CDC14A: variants seen among roughly 807,000 people sequenced by gnomAD.
The protein encoded by CDC14A is cell division cycle 14A, also known as dual specificity protein phosphatase CDC14A.
Under a neutral mutation model 74.4 loss-of-function variants are expected in CDC14A, and 53 were observed. The observed-to-expected ratio is 0.71, with a 90% CI of 0.57 to 0.89. The LOEUF (loss-of-function observed/expected upper bound fraction) is 0.89, where lower values mean the gene tolerates loss of function less well. Among genes scored for constraint, CDC14A ranks in the 40% least tolerant of loss-of-function variants. CDC14A has a pLI of 0.00. For missense variants in CDC14A, 646 were observed against 713.7 expected (o/e 0.91, Z 1.08); for synonymous variants, 247 against 258.4 (o/e 0.96, Z 0.43).
At chr1:100,389,949 A>G (rs1657455020) in intron 3 of CDC14A, among the ~76,000 whole-genome samples, 2 of 152,162 alleles carry the variant, frequency 1.3e-5, no homozygotes, top group Non-Finnish European at 2.9e-5. Context: ...TCATTGTCTT[A>G]TACTTATTCG....
At position 100,380,146 on chromosome 1, in the gene CDC14A, A is replaced by C. The variant is rs148248337; in HGVS notation, c.216+2525A>C. Among the ~76,000 whole-genome samples, 6 of 152,358 alleles carry C rather than the reference A, an allele frequency of 3.9e-5. No individual in the cohort carries two copies. In the East Asian group the frequency reaches 1.2e-3, roughly 29 times the overall value. On this transcript the variant is annotated intron_variant, in intron 3 of 15. Coordinates refer to ENST00000336454, the MANE Select transcript of CDC14A (RefSeq NM_003672.4). ...AATATAATAAAGACAGTTCTTCTAC[A>C]AAATCGATGAACACCTGTTTCTCAG...
chr1:100,360,236 G>A (rs1351539037), intron 2 of CDC14A, among the ~76,000 whole-genome samples: 1 of 151,550 alleles, frequency 6.6e-6, no homozygotes, highest in Admixed American at 6.6e-5. Flanking sequence ...ACAGGCATGA[G>A]CCACTGTGCC....
At chr1:100,427,719 AG>A (rs1663120050) in intron 5 of CDC14A, among the ~76,000 whole-genome samples, 1 of 152,202 alleles carries the variant, frequency 6.6e-6, no homozygotes. Context: ...TTTCAGTGCC[AG>A]TCACTGTGAT....
chr1:100,457,635 T>TA lies in CDC14A; in HGVS notation c.607+2143_607+2144insA, dbSNP rs557735444. On this transcript the variant is annotated intron_variant, in intron 8 of 15. Coordinates refer to ENST00000336454, the MANE Select transcript of CDC14A (RefSeq NM_003672.4). ...CCACCACACCTGGCTGGTTTTTTTT[T>TA]TTTTTTTTAATTTTTAGTAGAGATG... is the stretch of plus-strand genomic sequence containing the variant. Among the ~76,000 whole-genome samples, 1,145 of 137,580 alleles carry TA rather than the reference T, an allele frequency of 8.3e-3. 18 individuals are homozygous for TA. The highest frequency in any genetic ancestry group is 0.034 in the African/African-American group (1,095 of 31,794). The allele number at this position is 137,580 out of a possible 152,430, so 90.3% of individuals were successfully genotyped here.
intron 15 of CDC14A, among the ~76,000 whole-genome samples, chr1:100,511,438 T>C (rs1649779210): frequency 6.6e-6 from 1 of 152,212 alleles, no homozygotes; most frequent in Non-Finnish European, 1.5e-5. Context: ...CTGTTAGTCC[T>C]TCTACTCCTA....
chr1:100,363,383 C>T (rs1287689655), intron 2 of CDC14A, among the ~76,000 whole-genome samples: 1 of 152,192 alleles, frequency 6.6e-6, no homozygotes, highest in Non-Finnish European at 1.5e-5. Flanking sequence ...TTACCGAGGG[C>T]TCCCGAACCC....
chr1:100,362,929 G>T (rs773527412), intron 2 of CDC14A, among the ~76,000 whole-genome samples: 5 of 152,206 alleles, frequency 3.3e-5, no homozygotes, highest in Non-Finnish European at 4.4e-5. Context: ...GGAGAGAGTA[G>T]CTCTCCCTCT....
At chr1:100,454,138 T>G (rs1029311218) in intron 7 of CDC14A, among the ~76,000 whole-genome samples, 3 of 151,230 alleles carry the variant, frequency 2.0e-5, no homozygotes, top group Non-Finnish European at 4.4e-5. Context: ...ATGGCTCCAG[T>G]TTTTTTTTGA....
intron 7 of CDC14A, among the ~76,000 whole-genome samples, chr1:100,449,205 G>C (rs1279512022): frequency 6.6e-6 from 1 of 152,192 alleles, no homozygotes; most frequent in East Asian, 1.9e-4. Flanking sequence ...TCTGGGAACT[G>C]TTTGTGAAAA....
chr1:100,498,888 G>A (rs1430439258), intron 14 of CDC14A, 41 bp from the exon 15 acceptor site: 18 of 1,575,986 alleles, frequency 1.1e-5, no homozygotes, highest in Non-Finnish European at 1.5e-5. Flanking sequence ...ATTGTACATT[G>A]TTGTCTGTTT....
chr1:100,424,498 G>A (rs968940850), intron 5 of CDC14A, among the ~76,000 whole-genome samples, 197 bp downstream of exon 5: 1 of 152,176 alleles, frequency 6.6e-6, no homozygotes, highest in Admixed American at 6.5e-5. Context: ...CTTTCTTCTT[G>A]TAGGAATTTA....
intron 6 of CDC14A, among the ~76,000 whole-genome samples, chr1:100,442,154 A>G (rs369944645): frequency 2.9e-4 from 33 of 113,198 alleles, no homozygotes; most frequent in Admixed American, 2.2e-3. Flanking sequence ...TGATAAAAAT[A>G]TGTTTTTTTT....
intron 5 of CDC14A, among the ~76,000 whole-genome samples, chr1:100,439,259 T>C (rs1664667988): frequency 6.6e-6 from 1 of 152,164 alleles, no homozygotes; most frequent in Admixed American, 6.5e-5. Context: ...TGACTACATT[T>C]TCCTGTTTTC....
intron 4 of CDC14A, chr1:100,423,925 T>C: frequency 3.2e-6 from 1 of 308,258 alleles, no homozygotes; most frequent in Non-Finnish European, 6.3e-6. Context: ...ACACGGTATA[T>C]TATGAGGGTA....
intron 4 of CDC14A, among the ~76,000 whole-genome samples, chr1:100,400,980 A>C (rs1219886924): frequency 3.3e-5 from 5 of 152,014 alleles, no homozygotes; most frequent in Non-Finnish European, 7.4e-5. Flanking sequence ...ATACATACTC[A>C]CTGCATTTAG....
chr1:100,363,884 A>G (rs141892625), intron 2 of CDC14A, among the ~76,000 whole-genome samples: 157 of 152,350 alleles, frequency 1.0e-3, no homozygotes, highest in Admixed American at 2.5e-3. Context: ...GGCCAGGCAT[A>G]GTGGCTCACG....
intron 4 of CDC14A, among the ~76,000 whole-genome samples, chr1:100,415,268 A>G (rs867360767): frequency 1.3e-5 from 2 of 152,202 alleles, no homozygotes; most frequent in Admixed American, 6.5e-5. Context: ...CGAATTGTCA[A>G]ATAAATAAAG....
At chr1:100,459,057 A>C (rs924049567) in intron 8 of CDC14A, among the ~76,000 whole-genome samples, 1 of 149,352 alleles carries the variant, frequency 6.7e-6, no homozygotes. Flanking sequence ...ATGTCTCTTA[A>C]GTGTCACTGT....
intron 10 of CDC14A, among the ~76,000 whole-genome samples, chr1:100,480,621 C>T (rs1304360863): frequency 6.6e-6 from 1 of 152,120 alleles, no homozygotes; most frequent in Non-Finnish European, 1.5e-5. Context: ...CAACAATGCA[C>T]GAGGGGTCCA....
Sources: gnomAD v4.1 joint callset for allele counts (sites outside exome capture counted in the v4.1 genomes callset) on GRCh38, gnomAD v4.1.1 for gene constraint, MANE v1.5 for transcripts, NCBI Gene and HGNC (gene_info 2026-07-23, HGNC 2026-07-21) for gene names.